Variants in APBA1 observed in about 807,000 individuals in gnomAD.
The protein encoded by APBA1 is amyloid beta precursor protein binding family A member 1.
A neutral mutation model predicts 86.6 loss-of-function variants in APBA1; 55 were observed. The observed-to-expected ratio is 0.64, with a 90% CI of 0.51 to 0.80. The LOEUF is 0.80. Among genes scored for constraint, APBA1 ranks in the 30% least tolerant of loss-of-function variants. The pLI, the probability that APBA1 is intolerant of heterozygous loss-of-function variation, is 0.00. For missense variants in APBA1, 1,090 were observed against 1,183.0 expected (o/e 0.92, Z 1.15); for synonymous variants, 511 against 493.9 (o/e 1.03, Z -0.46).
At chr9:69,571,227 C>A (rs572120565) in intron 1 of APBA1, among the ~76,000 whole-genome samples, 3 of 152,164 alleles carry the variant, frequency 2.0e-5, no homozygotes, top group Admixed American at 6.5e-5. Context: ...ATAAAAATAA[C>A]CACATTAGAG....
At chr9:69,549,125 T>C (rs892397314) in intron 1 of APBA1, among the ~76,000 whole-genome samples, 10 of 152,134 alleles carry the variant, frequency 6.6e-5, no homozygotes, top group African/African-American at 2.2e-4. Flanking sequence ...AAGCAATATA[T>C]AGTAGTTACA....
rs1051741366 is a variant in APBA1 at position 69,429,742 on chromosome 9, A to G, written c.*1585T>C. On this transcript the variant is annotated 3_prime_UTR_variant, in exon 13 of 13. Coordinates refer to ENST00000265381, the MANE Select transcript of APBA1 (RefSeq NM_001163.4). ...TCTCTATAAATACATGCTACCCACC[A>G]TTTGCTCACTGAGTTCCTATTTCCA... The G allele has an allele frequency of 6.7e-6, 1 of 149,150 alleles. No homozygotes were observed. 9.2% of individuals were successfully genotyped at this position (149,150 alleles called of 1,614,324 possible). A position where few individuals can be genotyped will look rare whatever the true frequency, so the allele number is the denominator to read the frequency against.
chr9:69,476,969 G>A (rs144681679), intron 2 of APBA1, among the ~76,000 whole-genome samples: 5 of 152,328 alleles, frequency 3.3e-5, no homozygotes, highest in African/African-American at 1.2e-4. Flanking sequence ...AAACAAGCAA[G>A]CACAGGGATG....
intron 8 of APBA1, 104 bp downstream of exon 8, chr9:69,456,143 T>G (rs973264210): frequency 5.5e-6 from 7 of 1,261,930 alleles, no homozygotes; most frequent in South Asian, 1.3e-5. Flanking sequence ...ACACAGTACG[T>G]GCACAATAAA....
intron 2 of APBA1, among the ~76,000 whole-genome samples, chr9:69,488,233 G>C (rs2133855659): frequency 6.6e-6 from 1 of 152,074 alleles, no homozygotes; most frequent in East Asian, 1.9e-4. Context: ...TTAATGAAAT[G>C]TTTCTCTTCA....
Position 69,645,603 on chromosome 9 carries a change from C to T in APBA1, c.-70+26550G>A, listed in dbSNP as rs1413638357. On this transcript the variant is annotated intron_variant, in intron 1 of 12. Transcript: ENST00000265381. ...GAAGTGAGCTCTGCCAACCAGGCAG[C>T]CTGCACGGAGGCGGACTGGGAGCTT... 2.0e-5 allele frequency among the ~76,000 whole-genome samples: 3 copies of T among 152,268 alleles called. No individual in the cohort carries two copies. The East Asian group carries it at 5.8e-4, about 29-fold the overall frequency.
rs939956653 is a variant in APBA1 at position 69,471,539 on chromosome 9, A to G, written c.1336+117T>C. ...TCCTAAGACTGCTAACATTGTGAAT[A>G]AGTGACTTTGTGGCCTTTCTTCCCT... is the stretch of plus-strand genomic sequence containing the variant. On this transcript the variant is annotated intron_variant, in intron 4 of 12. Coordinates refer to ENST00000265381, the MANE Select transcript of APBA1 (RefSeq NM_001163.4). 2.4e-5 allele frequency: 20 copies of G among 824,744 alleles called. No individual in the cohort carries two copies. In the African/African-American group the frequency reaches 3.1e-4, roughly 13 times the overall value. The allele number at this position is 824,744 out of a possible 1,614,324, so 51.1% of individuals were successfully genotyped here.
intron 1 of APBA1, among the ~76,000 whole-genome samples, chr9:69,579,070 A>G (rs1030539265): frequency 6.6e-6 from 1 of 152,006 alleles, no homozygotes; most frequent in Admixed American, 6.6e-5. Context: ...TTTTTTTAAG[A>G]TAAGTGAGTA....
intron 4 of APBA1, among the ~76,000 whole-genome samples, chr9:69,468,959 G>A (rs1835324376): frequency 6.6e-6 from 1 of 151,424 alleles, no homozygotes. Context: ...CTGCCTCCCA[G>A]GTTCAAGGGA....
chr9:69,609,772 G>C (rs928048538), intron 1 of APBA1, among the ~76,000 whole-genome samples: 14 of 152,056 alleles, frequency 9.2e-5, no homozygotes, highest in African/African-American at 2.9e-4. Flanking sequence ...CAGATTCTTG[G>C]TCTCCTTCCC....
At chr9:69,562,944 C>CT (rs1459303247) in intron 1 of APBA1, among the ~76,000 whole-genome samples, 67 of 152,344 alleles carry the variant, frequency 4.4e-4, no homozygotes, top group African/African-American at 1.6e-3. Flanking sequence ...TTCACTATCA[C>CT]TATCAACTCC....
intron 2 of APBA1, among the ~76,000 whole-genome samples, chr9:69,514,976 C>T (rs990843435): frequency 7.9e-5 from 12 of 152,168 alleles, no homozygotes; most frequent in Non-Finnish European, 1.6e-4. Flanking sequence ...AGGCTATCCT[C>T]CAAAGAGGGC....
intron 1 of APBA1, among the ~76,000 whole-genome samples, chr9:69,557,626 A>G (rs567055123): frequency 7.6e-4 from 116 of 152,336 alleles, no homozygotes; most frequent in African/African-American, 2.7e-3. Flanking sequence ...AGTGGGCAAC[A>G]AGATGGAAAG....
intron 2 of APBA1, among the ~76,000 whole-genome samples, chr9:69,503,187 G>T (rs895937783): frequency 2.0e-5 from 3 of 152,128 alleles, no homozygotes; most frequent in South Asian, 2.1e-4. Flanking sequence ...ACAATGAGAT[G>T]GTTCCTTTGG....
In APBA1 at chr9:69,431,055, C is replaced by T. The variant is rs1834582327; in HGVS notation, c.*272G>A. The T allele has an allele frequency of 1.1e-5, 4 of 350,034 alleles. No individual in the cohort carries two copies. In the East Asian group the frequency reaches 1.7e-4, roughly 15 times the overall value. The allele number at this position is 350,034 out of a possible 1,614,324, so 21.7% of individuals were successfully genotyped here. Reference sequence around the variant, plus strand: ...CACCCCCTGGACACACCCAGAAAGCCCTCCAGGATGGTCCTGGGTCAGTAC... The same window carrying T: ...CACCCCCTGGACACACCCAGAAAGCTCTCCAGGATGGTCCTGGGTCAGTAC... On this transcript the variant is annotated 3_prime_UTR_variant, in exon 13 of 13. Coordinates refer to ENST00000265381, the MANE Select transcript of APBA1 (RefSeq NM_001163.4).
chr9:69,538,121 G>A (rs1490149760), intron 1 of APBA1, among the ~76,000 whole-genome samples: 1 of 152,112 alleles, frequency 6.6e-6, no homozygotes, highest in African/African-American at 2.4e-5. Context: ...TGGTTGACAA[G>A]GGTAACCTCA....
chr9:69,614,570 AC>A (rs530205932), intron 1 of APBA1, among the ~76,000 whole-genome samples: 1 of 152,174 alleles, frequency 6.6e-6, no homozygotes, highest in Non-Finnish European at 1.5e-5. Context: ...ATTATAATAA[AC>A]TTCCATCAGA....
At chr9:69,518,926 A>G (rs1836209726) in intron 1 of APBA1, among the ~76,000 whole-genome samples, 1 of 152,156 alleles carries the variant, frequency 6.6e-6, no homozygotes, top group Admixed American at 6.5e-5. Flanking sequence ...CAGAAGTATC[A>G]TGTCTTCCCC....
intron 2 of APBA1, among the ~76,000 whole-genome samples, chr9:69,489,196 G>A (rs1173155171): frequency 2.0e-5 from 3 of 152,086 alleles, no homozygotes; most frequent in Non-Finnish European, 2.9e-5. Flanking sequence ...AAAGGACAAA[G>A]CTGGAGGCAT....
Sources: gnomAD v4.1 joint callset for allele counts (sites outside exome capture counted in the v4.1 genomes callset) on GRCh38, gnomAD v4.1.1 for gene constraint, MANE v1.5 for transcripts, NCBI Gene and HGNC (gene_info 2026-07-23, HGNC 2026-07-21) for gene names.